Variants in WBP11 observed in about 807,000 individuals in gnomAD.
WBP11 encodes WW domain binding protein 11.
In WBP11, 12 loss-of-function variants were observed where a neutral mutation model predicts 66.7. The ratio of observed to expected loss-of-function variants is 0.18; its 90% confidence interval spans 0.12 to 0.29. The LOEUF is 0.29. WBP11 is among the 10% of genes least tolerant of loss of function. WBP11 has a pLI of 1.00. For missense variants in WBP11, 555 were observed against 818.3 expected (o/e 0.68, Z 3.93); for synonymous variants, 255 against 273.8 (o/e 0.93, Z 0.68).
intron 3 of WBP11, 146 bp downstream of exon 3, chr12:14,800,606 C>CT: frequency 1.4e-6 from 1 of 726,152 alleles, no homozygotes; most frequent in Non-Finnish European, 2.2e-6. Flanking sequence ...TAAAGTTTGG[C>CT]TTAGTATATC....
intron 10 of WBP11, among the ~76,000 whole-genome samples, chr12:14,789,887 T>G (rs551773606): frequency 6.8e-4 from 103 of 152,300 alleles, no homozygotes; most frequent in African/African-American, 2.2e-3. Flanking sequence ...TGAAGAAAAC[T>G]TAGTAGGCTG....
intron 9 of WBP11, 99 bp from the exon 10 acceptor site, chr12:14,790,848 C>A (rs1949813543): frequency 8.1e-7 from 1 of 1,237,332 alleles, no homozygotes; most frequent in Non-Finnish European, 1.1e-6. Context: ...AATGTGTTCT[C>A]AAAATTAAAA....
rs1949762728 is a variant in WBP11, at chr12:14,787,154, G to T, written c.1837C>A (p.Pro613Thr). ...ACAGGAACAGAAGGACCAGATTTGG[G>T]TGCTGCTTTGGCAAGAGGCACAGCA... is the stretch of plus-strand genomic sequence containing the variant. Reference protein sequence around the residue: ...DSAVPLAKAAPKSGPSVPVSV... With the variant: ...DSAVPLAKAATKSGPSVPVSV... The change falls in exon 12 of 12, where the codon CCC becomes ACC. Residue 613 changes from proline to threonine, a missense_variant. Pro to Thr is a conservative substitution (Grantham distance 38). Around this residue, in one of 6 missense-constraint regions of WBP11, gnomAD observed 50 missense variants for 68.3 expected, o/e 0.73. Transcript: ENST00000261167. The T allele has an allele frequency of 6.2e-7, 1 of 1,613,726 alleles. No individual in the cohort carries two copies. Among genetic ancestry groups the T allele is most frequent in the South Asian group, 1.1e-5 (1 of 91,060 alleles).
intron 10 of WBP11, 43 bp downstream of exon 10, chr12:14,790,413 T>A: frequency 6.3e-7 from 1 of 1,591,878 alleles, no homozygotes; most frequent in Non-Finnish European, 8.6e-7. Flanking sequence ...ATGACTTCAT[T>A]CTAACCTCAT....
At chr12:14,802,061 C>G (rs1209087242) in intron 1 of WBP11, 1 of 152,140 alleles carries the variant, frequency 6.6e-6, no homozygotes. Context: ...GAAATTAGTG[C>G]TATACTGAGA....
intron 10 of WBP11, among the ~76,000 whole-genome samples, chr12:14,789,584 TA>T (rs903776410): frequency 1.4e-4 from 21 of 147,994 alleles, no homozygotes; most frequent in East Asian, 2.0e-4. Flanking sequence ...GACTCCGTCT[TA>T]AAAAAAAAAA....
intron 2 of WBP11, 37 bp downstream of exon 2, chr12:14,801,283 T>G (rs1202630487): frequency 2.5e-6 from 4 of 1,603,794 alleles, no homozygotes; most frequent in Non-Finnish European, 3.4e-6. Flanking sequence ...TTTTTAACAC[T>G]CTCCTACTTC....
At chr12:14,788,226 T>C (rs756860677) in intron 11 of WBP11, among the ~76,000 whole-genome samples, 2 of 151,994 alleles carry the variant, frequency 1.3e-5, no homozygotes, top group Admixed American at 6.6e-5. Flanking sequence ...GCAAGAAGAA[T>C]GAAACTCCGT....
chr12:14,785,400 ATGGTT>A lies in WBP11; in HGVS notation c.*1660_*1664del, dbSNP rs1949741913. 1 of 152,176 alleles carries A rather than the reference ATGGTT, an allele frequency of 6.6e-6. No homozygotes were observed. Among genetic ancestry groups the A allele is most frequent in the Non-Finnish European group, 1.5e-5 (1 of 68,028 alleles). 9.4% of individuals were successfully genotyped at this position (152,176 alleles called of 1,614,324 possible). On this transcript the variant is annotated 3_prime_UTR_variant, in exon 12 of 12. Coordinates refer to ENST00000261167, the MANE Select transcript of WBP11 (RefSeq NM_016312.3). ...GAATAACTAACAATATTGATACCAT[ATGGTT>A]TGATCCTTGATATCCGTAAGTTATC...
chr12:14,800,984 A>C (rs1276205062), intron 2 of WBP11: 1 of 493,976 alleles, frequency 2.0e-6, no homozygotes, highest in Admixed American at 3.7e-5. Flanking sequence ...ATTTTTGTTT[A>C]ATGTTTCATA....
At chr12:14,789,510 G>T (rs1312418809) in intron 10 of WBP11, among the ~76,000 whole-genome samples, 1 of 152,100 alleles carries the variant, frequency 6.6e-6, no homozygotes, top group Non-Finnish European at 1.5e-5. Flanking sequence ...GTGTGAACCC[G>T]GGAGGCGGAG....
intron 8 of WBP11, among the ~76,000 whole-genome samples, chr12:14,792,284 C>G (rs1265212029): frequency 6.6e-6 from 1 of 151,708 alleles, no homozygotes; most frequent in East Asian, 1.9e-4. Flanking sequence ...TAAAAAAAAC[C>G]TATTAGCAAG....
intron 7 of WBP11, 132 bp downstream of exon 7, chr12:14,794,405 T>G (rs1344123606): frequency 1.0e-6 from 1 of 959,480 alleles, no homozygotes; most frequent in African/African-American, 1.6e-5. Context: ...TTTATCCAAC[T>G]GTATGTATAT....
chr12:14,799,648 T>C lies in WBP11; in HGVS notation c.177A>G (p.Lys59=). The change falls in exon 4 of 12, where the codon AAA becomes AAG. Residue 59 remains lysine, a synonymous_variant. Transcript: ENST00000261167. ...DPKQIIRDME[K]LDEMEFNPVQ... ...GTAAATTCTTACCCATTTCATCCAATTTCTCCATGTCTCGGATTATCTGTT... is the reference window on the plus strand; with the variant it reads ...GTAAATTCTTACCCATTTCATCCAACTTCTCCATGTCTCGGATTATCTGTT... The C allele has an allele frequency of 6.2e-7, 1 of 1,613,330 alleles. No individual in the cohort carries two copies. The highest frequency in any genetic ancestry group is 8.5e-7 in the Non-Finnish European group (1 of 1,179,594).
intron 1 of WBP11, 87 bp downstream of exon 1, chr12:14,803,265 G>C: frequency 2.5e-6 from 1 of 395,474 alleles, no homozygotes; most frequent in Non-Finnish European, 4.5e-6. Flanking sequence ...CGGGGCAAAG[G>C]GGCTGGGTGT....
intron 1 of WBP11, chr12:14,802,116 G>A (rs1179848891): frequency 2.0e-5 from 3 of 152,060 alleles, no homozygotes; most frequent in Non-Finnish European, 4.4e-5. Context: ...TTCTTACTAA[G>A]ACCTGACTCC....
In WBP11 at chr12:14,794,520, G is replaced by T. The variant is rs760632496; in HGVS notation, c.721+17C>A. 5 of 1,612,406 alleles carry T rather than the reference G, an allele frequency of 3.1e-6. No individual in the cohort carries two copies. In the African/African-American group the frequency reaches 4.0e-5, roughly 13 times the overall value. On this transcript the variant is annotated intron_variant, in intron 7 of 11. Coordinates refer to ENST00000261167, the MANE Select transcript of WBP11 (RefSeq NM_016312.3). ...AAAAATGATAGTTATAAAAGCAAAA[G>T]AACAGTCACTTCTCACCAAGTTCAG...
At position 14,793,840 on chromosome 12, in the gene WBP11, A is replaced by C. The variant is rs746681316; in HGVS notation, c.804T>G (p.Asp268Glu). The C allele has an allele frequency of 6.2e-7, 1 of 1,613,846 alleles. No individual in the cohort carries two copies. The highest frequency in any genetic ancestry group is 8.5e-7 in the Non-Finnish European group (1 of 1,179,990). Residue 268 changes from aspartate (D) to glutamate (E), a missense_variant, in exon 8 of 12, where the codon GAT becomes GAG. This residue lies in a region of WBP11 where 220 missense variants were observed against 268.2 expected (regional missense o/e 0.82). Coordinates refer to ENST00000261167, the MANE Select transcript of WBP11 (RefSeq NM_016312.3). ...CGGTGTCACTGTCATCAGTACTGTC[A>C]TCATGCTTATCTTGATCCATGTCCT... is the stretch of plus-strand genomic sequence containing the variant. The part of the protein sequence containing the change: ...YPEDMDQDKH[D>E]DSTDDSDTDK...
At chr12:14,799,613 C>T in intron 4 of WBP11, 22 bp downstream of exon 4, 1 of 1,608,528 alleles carries the variant, frequency 6.2e-7, no homozygotes, top group Non-Finnish European at 8.5e-7. Context: ...ACTGTTATAG[C>T]TGCCTGTTTG....
Sources: allele counts gnomAD v4.1 joint callset (sites outside exome capture counted in the v4.1 genomes callset), GRCh38; gene constraint gnomAD v4.1.1; regional missense constraint gnomAD v4.1.1; transcripts MANE v1.5; gene names NCBI Gene and HGNC (gene_info 2026-07-23, HGNC 2026-07-21).